DOCK10: variants seen among roughly 807,000 people sequenced by gnomAD.
DOCK10 encodes the protein dedicator of cytokinesis 10, also known as dedicator of cytokinesis protein 10.
Under a neutral mutation model 280.1 loss-of-function variants are expected in DOCK10, and 145 were observed. The observed-to-expected ratio is 0.52, with a 90% confidence interval of 0.45 to 0.59. The LOEUF (loss-of-function observed/expected upper bound fraction) is 0.59. Ranked by LOEUF, DOCK10 falls within the 20% of genes least tolerant of loss-of-function variation. DOCK10 has a pLI of 0.00. For missense variants in DOCK10, 2,368 were observed against 2,651.7 expected (o/e 0.89, Z 2.35); for synonymous variants, 915 against 942.2 (o/e 0.97, Z 0.53).
chr2:225,036,405 C>T (rs1372231605), intron 1 of DOCK10, among the ~76,000 whole-genome samples: 1 of 152,182 alleles, frequency 6.6e-6, no homozygotes, highest in Non-Finnish European at 1.5e-5. Flanking sequence ...GCAGAATAAA[C>T]CACATTGTAT....
intron 31 of DOCK10, among the ~76,000 whole-genome samples, chr2:224,809,500 A>G (rs1693622219): frequency 6.6e-6 from 1 of 152,132 alleles, no homozygotes; most frequent in Non-Finnish European, 1.5e-5. Flanking sequence ...CATAATAGCA[A>G]CAAACAAACA....
At chr2:224,909,080 A>C (rs1700847230) in intron 3 of DOCK10, among the ~76,000 whole-genome samples, 1 of 152,162 alleles carries the variant, frequency 6.6e-6, no homozygotes, top group Non-Finnish European at 1.5e-5. Context: ...TCCTTTTGTT[A>C]AGAGAGACTG....
In DOCK10 at chr2:224,855,064, GAC is replaced by G. The variant is rs60658292; in HGVS notation, c.1809-24_1809-23del. 4,262 of 572,994 alleles carry G rather than the reference GAC, an allele frequency of 7.4e-3. 5 individuals are homozygous for G. Among genetic ancestry groups the G allele is most frequent in the East Asian group, 0.011 (334 of 30,808 alleles). 35.5% of individuals were successfully genotyped at this position (572,994 alleles called of 1,614,324 possible). ...GGCCCTGTAAGAGTGCATGAGCAAG[GAC>G]ACACACACACACACACACACACACA... On this transcript the variant is annotated intron_variant, in intron 15 of 55. Transcript: ENST00000258390.
At chr2:224,796,079 G>A (rs188383238) in intron 44 of DOCK10, among the ~76,000 whole-genome samples, 257 of 151,324 alleles carry the variant, frequency 1.7e-3, no homozygotes, top group Non-Finnish European at 1.8e-3. Flanking sequence ...TTATTTTAGA[G>A]ACAAGGTCTT....
chr2:224,872,461 C>T (rs753183524), intron 11 of DOCK10, among the ~76,000 whole-genome samples: 3 of 152,182 alleles, frequency 2.0e-5, no homozygotes, highest in Non-Finnish European at 4.4e-5. Flanking sequence ...GATCCCAGAA[C>T]GGCACATCTC....
chr2:224,927,616 C>A (rs554888472), intron 2 of DOCK10, among the ~76,000 whole-genome samples: 3 of 152,100 alleles, frequency 2.0e-5, no homozygotes, highest in South Asian at 2.1e-4. Context: ...AGATACCAGA[C>A]GAAGTCTCTG....
Position 224,796,435 on chromosome 2 carries a change from GA to G in DOCK10, c.4828-10del. The G allele has an allele frequency of 1.2e-5, 18 of 1,510,362 alleles. No homozygotes were observed. The highest frequency in any genetic ancestry group is 1.5e-5 in the Non-Finnish European group (17 of 1,114,616). 93.6% of individuals were successfully genotyped at this position (1,510,362 alleles called of 1,614,324 possible). ...CTCACAGCTTTGATGAGCTAGAAAA[GA>G]AAAAAAATGAACTCTCAAAAACAAG... On this transcript the variant is annotated splice_polypyrimidine_tract_variant and intron_variant, in intron 43 of 55. Coordinates refer to ENST00000258390, the MANE Select transcript of DOCK10 (RefSeq NM_014689.3).
intron 1 of DOCK10, among the ~76,000 whole-genome samples, chr2:224,944,163 A>C (rs1328540772): frequency 7.2e-5 from 11 of 151,862 alleles, no homozygotes; most frequent in Admixed American, 7.2e-4. Flanking sequence ...TAGAAAAAAA[A>C]CCATGGTATT....
intron 1 of DOCK10, among the ~76,000 whole-genome samples, chr2:225,025,887 A>G (rs903954800): frequency 4.1e-4 from 62 of 152,302 alleles, no homozygotes; most frequent in African/African-American, 1.5e-3. Flanking sequence ...TCATTTATGA[A>G]GCTATTATAA....
chr2:224,856,811 A>G (rs1697174813), intron 15 of DOCK10, 49 bp downstream of exon 15: 2 of 1,520,550 alleles, frequency 1.3e-6, no homozygotes, highest in Non-Finnish European at 8.9e-7. Context: ...GTGATAAAAA[A>G]TCAACATGGC....
In DOCK10 at chr2:224,770,153, T is replaced by C. The variant is rs2124943973; in HGVS notation, c.6444+58A>G. The C allele has an allele frequency of 7.0e-7, 1 of 1,435,206 alleles. No individual in the cohort carries two copies. The highest frequency in any genetic ancestry group is 2.5e-5 in the East Asian group (1 of 39,898). The allele number at this position is 1,435,206 out of a possible 1,614,324, so 88.9% of individuals were successfully genotyped here. On this transcript the variant is annotated intron_variant, in intron 55 of 55. Coordinates refer to ENST00000258390, the MANE Select transcript of DOCK10 (RefSeq NM_014689.3). This position sits in a 1 kb window ranked among gnomAD's most constrained non-coding sequence, Gnocchi z 4.5. The stretch of plus-strand genomic sequence containing the variant: ...GGCCTCTTTCCTGTCCTTCTGGCAT[T>C]GGGAGCGAAAGGGACTTTCTGTCCA...
chr2:224,803,212 G>A (rs1408807759), intron 39 of DOCK10, among the ~76,000 whole-genome samples: 1 of 151,954 alleles, frequency 6.6e-6, no homozygotes, highest in African/African-American at 2.4e-5. Flanking sequence ...ACCTCAGGTG[G>A]CTCACTATTA....
intron 7 of DOCK10, among the ~76,000 whole-genome samples, chr2:224,880,880 T>C (rs1395835666): frequency 2.6e-5 from 4 of 152,200 alleles, no homozygotes; most frequent in South Asian, 2.1e-4. Context: ...AAGGGAATCA[T>C]ACAACATCAA....
chr2:224,942,616 G>A (rs1703160355), intron 1 of DOCK10, among the ~76,000 whole-genome samples: 1 of 152,116 alleles, frequency 6.6e-6, no homozygotes, highest in South Asian at 2.1e-4. Context: ...AGTAAGGGAG[G>A]CTTCTCACAT....
At chr2:224,845,729 C>CTTT (rs796185255) in intron 19 of DOCK10, 87 bp from the exon 20 acceptor site, 5 of 1,057,130 alleles carry the variant, frequency 4.7e-6, no homozygotes, top group Non-Finnish European at 3.9e-6. Context: ...TTTAAACAAT[C>CTTT]TTTTTTTTTT....
chr2:224,834,013 TAA>T (rs763607623), intron 26 of DOCK10, 135 bp downstream of exon 26: 19 of 611,256 alleles, frequency 3.1e-5, no homozygotes, highest in Non-Finnish European at 5.3e-5. Flanking sequence ...CTTTATATGC[TAA>T]GTTTCAATAT....
At chr2:224,892,689 G>A (rs1699768772) in intron 4 of DOCK10, among the ~76,000 whole-genome samples, 2 of 152,340 alleles carry the variant, frequency 1.3e-5, no homozygotes, top group South Asian at 4.1e-4. Context: ...GGCTGTAGGG[G>A]CTGGAAACAG....
chr2:224,815,401 A>T (rs1395787677), intron 30 of DOCK10, among the ~76,000 whole-genome samples: 1 of 152,170 alleles, frequency 6.6e-6, no homozygotes, highest in East Asian at 1.9e-4. Flanking sequence ...AAAATGACCA[A>T]ATAAAGATTT....
chr2:224,772,736 A>G (rs1327195164), intron 53 of DOCK10, among the ~76,000 whole-genome samples: 1 of 152,256 alleles, frequency 6.6e-6, no homozygotes, highest in Non-Finnish European at 1.5e-5. Context: ...CAACTCTGCC[A>G]GACAGATAAA....
Sources: gnomAD v4.1 joint callset for allele counts (sites outside exome capture counted in the v4.1 genomes callset) on GRCh38, gnomAD v4.1.1 for gene constraint, Gnocchi (gnomAD v3.1) non-coding constraint, MANE v1.5 for transcripts, NCBI Gene and HGNC (gene_info 2026-07-23, HGNC 2026-07-21) for gene names.